The following MARCHF8 variants were observed in gnomAD, a reference collection of about 807,000 sequenced individuals.
MARCHF8 encodes the protein E3 ubiquitin-protein ligase MARCHF8.
Under a neutral mutation model 51.6 loss-of-function variants are expected in MARCHF8, and 40 were observed. The observed-to-expected ratio is 0.77, with a 90% CI of 0.60 to 1.01. The LOEUF is 1.01. Among genes scored for constraint, MARCHF8 ranks in the 50% least tolerant of loss-of-function variants. The pLI, the probability that MARCHF8 is intolerant of heterozygous loss-of-function variation, is 0.00. For synonymous variants in MARCHF8, 263 were observed against 280.3 expected, an observed-to-expected ratio of 0.94 and a Z score of 0.62; for missense variants, 685 against 708.6, an observed-to-expected ratio of 0.97 and a Z score of 0.38.
rs2044043662 is a variant in MARCHF8 at position 45,540,950 on chromosome 10, A to T, written c.-78-7661T>A. Among the ~76,000 whole-genome samples, 4 of 152,336 alleles carry T rather than the reference A, an allele frequency of 2.6e-5. No individual in the cohort carries two copies. The South Asian group carries it at 8.3e-4, about 32-fold the overall frequency. On this transcript the variant is annotated intron_variant, in intron 1 of 6. Coordinates refer to the MARCHF8 transcript ENST00000319836. ...GCTGGAGAGGATGTGGAGAAATAGGAACACTTTTACACTGTTGGTGGGACA... is the reference window on the plus strand; with the variant it reads ...GCTGGAGAGGATGTGGAGAAATAGGTACACTTTTACACTGTTGGTGGGACA...
At chr10:45,541,870 A>T (rs1206977885) in intron 1 of MARCHF8, among the ~76,000 whole-genome samples, 1 of 152,224 alleles carries the variant, frequency 6.6e-6, no homozygotes, top group Non-Finnish European at 1.5e-5. Flanking sequence ...TATGGGGAAG[A>T]TTCTGTCCAT....
At chr10:45,560,600 C>G (rs921403257) in intron 1 of MARCHF8, among the ~76,000 whole-genome samples, 6 of 151,012 alleles carry the variant, frequency 4.0e-5, no homozygotes, top group Non-Finnish European at 8.8e-5. Context: ...TCCTCGGGGT[C>G]TGTGAGCAGC....
At chr10:45,556,018 C>G (rs564398240) in intron 1 of MARCHF8, among the ~76,000 whole-genome samples, 1 of 152,082 alleles carries the variant, frequency 6.6e-6, no homozygotes, top group Non-Finnish European at 1.5e-5. Flanking sequence ...ATCTTGCATG[C>G]CCATGATTAA....
chr10:45,459,341 A>G, intron 6 of MARCHF8, 74 bp from the exon 7 acceptor site: 1 of 1,502,826 alleles, frequency 6.7e-7, no homozygotes, highest in Non-Finnish European at 9.0e-7. Flanking sequence ...CATTGTAGGT[A>G]GGTAAGATTG....
intron 6 of MARCHF8, among the ~76,000 whole-genome samples, chr10:45,460,739 C>T (rs949688140): frequency 6.6e-6 from 1 of 152,180 alleles, no homozygotes; most frequent in Non-Finnish European, 1.5e-5. Context: ...TTGCACATCA[C>T]GCAACGTTTG....
rs1344749776 is a variant in MARCHF8, at chr10:45,463,528, G to GC, written c.710dup (p.Arg238GlnfsTer13). ...TCTCTTCCAGCAGCAGGCCGGGCCT[G>GC]CCCCCCTTGCCAGCTTCCACCTCTG... is the stretch of plus-strand genomic sequence containing the variant. On this transcript the variant is annotated frameshift_variant, in exon 5 of 8. Coordinates refer to ENST00000453424, the MANE Select transcript of MARCHF8 (RefSeq NM_001282866.2). LOFTEE classifies it high-confidence loss of function. The GC allele has an allele frequency of 6.4e-7, 1 of 1,550,622 alleles. No homozygotes were observed. Among genetic ancestry groups the GC allele is most frequent in the South Asian group, 1.2e-5 (1 of 84,064 alleles).
At chr10:45,465,272 A>G (rs1842931947) in intron 3 of MARCHF8, among the ~76,000 whole-genome samples, 1 of 152,162 alleles carries the variant, frequency 6.6e-6, no homozygotes, top group Non-Finnish European at 1.5e-5. Flanking sequence ...AGCCTGAGTA[A>G]GAATCTGCTC....
At chr10:45,528,838 CAT>C (rs1252509742) in intron 2 of MARCHF8, among the ~76,000 whole-genome samples, 1 of 152,184 alleles carries the variant, frequency 6.6e-6, no homozygotes, top group Non-Finnish European at 1.5e-5. Flanking sequence ...AAAGAAATCA[CAT>C]ATGACACAAA....
intron 2 of MARCHF8, among the ~76,000 whole-genome samples, chr10:45,491,376 A>G (rs1295474799): frequency 6.6e-6 from 1 of 152,154 alleles, no homozygotes; most frequent in Non-Finnish European, 1.5e-5. Context: ...CGTCTCTACT[A>G]AAAATACAAA....
At chr10:45,585,388 A>G (rs545322288) in intron 1 of MARCHF8, among the ~76,000 whole-genome samples, 95 of 152,362 alleles carry the variant, frequency 6.2e-4, no homozygotes, top group Admixed American at 2.0e-3. Context: ...ATGTAACACA[A>G]TAAGACAAGG....
At chr10:45,541,175 G>T (rs1265156409) in intron 1 of MARCHF8, among the ~76,000 whole-genome samples, 12 of 152,144 alleles carry the variant, frequency 7.9e-5, no homozygotes, top group Non-Finnish European at 1.6e-4. Flanking sequence ...CAACCCAAAT[G>T]TCCAACAATG....
At chr10:45,572,326 GAC>G (rs756865455) in intron 1 of MARCHF8, among the ~76,000 whole-genome samples, 7 of 151,294 alleles carry the variant, frequency 4.6e-5, no homozygotes, top group Admixed American at 4.6e-4. Context: ...CTTTTCTCTG[GAC>G]TTGCCTCCTT....
chr10:45,521,113 G>C (rs1041800813), intron 2 of MARCHF8, among the ~76,000 whole-genome samples: 1 of 152,074 alleles, frequency 6.6e-6, no homozygotes, highest in African/African-American at 2.4e-5. Flanking sequence ...TTGCTTTTAA[G>C]GGTCTTTTCC....
chr10:45,516,085 A>T (rs914536592), intron 2 of MARCHF8, among the ~76,000 whole-genome samples: 18 of 152,174 alleles, frequency 1.2e-4, no homozygotes, highest in Admixed American at 3.3e-4. Context: ...GAATGAGAGG[A>T]TAAGAGGGCC....
upstream of MARCHF8, among the ~76,000 whole-genome samples, chr10:45,539,031 C>T (rs896608796): frequency 5.3e-5 from 8 of 152,230 alleles, no homozygotes; most frequent in African/African-American, 1.9e-4. Flanking sequence ...TTCAGCACCA[C>T]ACCTCACCTA....
At chr10:45,535,430 G>A (rs2043958432), upstream of MARCHF8, 1 of 152,148 alleles carries the variant, frequency 6.6e-6, no homozygotes, top group South Asian at 2.1e-4. Context: ...ATTGGTACAT[G>A]CCCATGACAA....
At position 45,534,464 on chromosome 10, in the gene MARCHF8, C is replaced by T. The variant is rs534298041; in HGVS notation, c.-79+747G>A. On this transcript the variant is annotated intron_variant, in intron 1 of 7. Coordinates refer to ENST00000453424, the MANE Select transcript of MARCHF8 (RefSeq NM_001282866.2). ...CTGCCCTGTTTCTGGTTTTCTCTTACGCATCCCCCAAAATGTCTAATAATT... is the reference window on the plus strand; with the variant it reads ...CTGCCCTGTTTCTGGTTTTCTCTTATGCATCCCCCAAAATGTCTAATAATT... Among the ~76,000 whole-genome samples, 6 of 152,230 alleles carry T rather than the reference C, an allele frequency of 3.9e-5. No individual in the cohort carries two copies. The East Asian group carries it at 9.6e-4, about 24-fold the overall frequency.
chr10:45,503,535 T>TTAAATAAATAAA (rs1564489358), intron 2 of MARCHF8, among the ~76,000 whole-genome samples: 21 of 91,120 alleles, frequency 2.3e-4, no homozygotes, highest in African/African-American at 9.7e-4. Context: ...AGACTCCGTC[T>TTAAATAAATAAA]CAAATAAATA....
intron 3 of MARCHF8, among the ~76,000 whole-genome samples, chr10:45,479,404 A>T (rs766400365): frequency 1.3e-5 from 2 of 152,206 alleles, no homozygotes; most frequent in African/African-American, 2.4e-5. Flanking sequence ...ATGGGGGAAA[A>T]GTGAAAGAAA....
Sources: gnomAD v4.1 joint callset for allele counts (sites outside exome capture counted in the v4.1 genomes callset) on GRCh38, gnomAD v4.1.1 for gene constraint, MANE v1.5 for transcripts, NCBI Gene and HGNC (gene_info 2026-07-23, HGNC 2026-07-21) for gene names.